MMS22L: variants seen among roughly 807,000 people sequenced by gnomAD.
MMS22L encodes the protein protein MMS22-like.
In MMS22L, 74 loss-of-function variants were observed where a neutral mutation model predicts 159.1. The ratio of observed to expected loss-of-function variants is 0.47; its 90% confidence interval spans 0.39 to 0.56. The LOEUF is 0.56. MMS22L is among the 20% of genes least tolerant of loss of function. The pLI is 0.00. For synonymous variants in MMS22L, 517 were observed against 506.9 expected, an observed-to-expected ratio of 1.02 and a Z score of -0.27; for missense variants, 1,351 against 1,422.1, an observed-to-expected ratio of 0.95 and a Z score of 0.80.
At chr6:97,201,654 G>A (rs1165832162) in intron 14 of MMS22L, among the ~76,000 whole-genome samples, 2 of 152,182 alleles carry the variant, frequency 1.3e-5, no homozygotes, top group Non-Finnish European at 2.9e-5. Context: ...GGTGACCCGC[G>A]TGTGTGGGAA....
At chr6:97,169,063 A>T (rs1457413605) in intron 19 of MMS22L, among the ~76,000 whole-genome samples, 1 of 152,116 alleles carries the variant, frequency 6.6e-6, no homozygotes, top group Non-Finnish European at 1.5e-5. Context: ...AGGATTAGCT[A>T]TAAGCTAATC....
chr6:97,172,337 C>T (rs1433883862), intron 19 of MMS22L, among the ~76,000 whole-genome samples: 1 of 151,876 alleles, frequency 6.6e-6, no homozygotes, highest in Non-Finnish European at 1.5e-5. Context: ...CCGAATCAGG[C>T]TTACTCATAC....
intron 11 of MMS22L, among the ~76,000 whole-genome samples, chr6:97,237,140 A>G (rs1191519070): frequency 6.6e-6 from 1 of 152,142 alleles, no homozygotes; most frequent in Non-Finnish European, 1.5e-5. Flanking sequence ...TGAAAAGTGA[A>G]AAGCTGTAGA....
chr6:97,280,141 C>T (rs978372006), intron 3 of MMS22L, among the ~76,000 whole-genome samples: 4 of 152,140 alleles, frequency 2.6e-5, no homozygotes, highest in African/African-American at 7.2e-5. Flanking sequence ...TAAGTCTCTT[C>T]AAAAGGTTTC....
At chr6:97,172,503 G>GA (rs1306294643) in intron 19 of MMS22L, among the ~76,000 whole-genome samples, 1 of 151,948 alleles carries the variant, frequency 6.6e-6, no homozygotes, top group Non-Finnish European at 1.5e-5. Context: ...TGGTTTTCGT[G>GA]AAAAAAAGAT....
intron 14 of MMS22L, among the ~76,000 whole-genome samples, chr6:97,196,174 T>A (rs764645326): frequency 1.6e-4 from 24 of 152,208 alleles, no homozygotes; most frequent in Admixed American, 3.9e-4. Context: ...TACTAGATGT[T>A]ATCAAATATA....
intron 11 of MMS22L, among the ~76,000 whole-genome samples, chr6:97,242,074 G>A (rs796914298): frequency 3.9e-5 from 6 of 152,290 alleles, no homozygotes; most frequent in African/African-American, 1.4e-4. Context: ...TGTATATTCT[G>A]CAGTTTGAGT....
At chr6:97,243,892 T>C (rs1198961239) in intron 11 of MMS22L, among the ~76,000 whole-genome samples, 1 of 152,036 alleles carries the variant, frequency 6.6e-6, no homozygotes, top group Non-Finnish European at 1.5e-5. Context: ...GTGGGGGGTG[T>C]CTGCAAAGAG....
At position 97,143,311 on chromosome 6, in the gene MMS22L, G is replaced by A. The variant is rs1800725708; in HGVS notation, c.*3495C>T. 2 of 152,170 alleles carry A rather than the reference G, an allele frequency of 1.3e-5. No individual in the cohort carries two copies. The allele number at this position is 152,170 out of a possible 1,614,324, so 9.4% of individuals were successfully genotyped here. On this transcript the variant is annotated 3_prime_UTR_variant, in exon 25 of 25. Transcript: ENST00000683635. The stretch of plus-strand genomic sequence containing the variant: ...TGCTGTAAACTGAATGAGGCTGAGT[G>A]TAGGATGAACATGGCAATCAGAGAA...
chr6:97,257,032 C>T (rs1309834460), intron 9 of MMS22L, among the ~76,000 whole-genome samples: 3 of 152,094 alleles, frequency 2.0e-5, no homozygotes, highest in African/African-American at 7.2e-5. Context: ...TCTGTGATTC[C>T]ACTGTGATGT....
chr6:97,182,743 C>T (rs717020), intron 15 of MMS22L, among the ~76,000 whole-genome samples: 82,684 of 151,632 alleles, frequency 0.55, 23,396 homozygotes, highest in African/African-American at 0.7. Context: ...GATCTACCAA[C>T]AGGGTGAGAT....
Position 97,159,278 on chromosome 6 carries a change from C to T in MMS22L, c.3385+2724G>A, listed in dbSNP as rs112074874. Among the ~76,000 whole-genome samples, 1,067 of 151,798 alleles carry T rather than the reference C, an allele frequency of 7.0e-3. 16 individuals are homozygous for T. The highest frequency in any genetic ancestry group is 0.024 in the African/African-American group (993 of 41,428). On this transcript the variant is annotated intron_variant, in intron 22 of 24. Transcript: ENST00000683635. The stretch of plus-strand genomic sequence containing the variant: ...AATTTGCCAGCCTGTGTCTTTTAAT[C>T]GGGGCATTTAGCCCATTTAATTATT...
intron 17 of MMS22L, 30 bp downstream of exon 17, chr6:97,179,378 A>G: frequency 6.3e-7 from 1 of 1,597,938 alleles, no homozygotes; most frequent in South Asian, 1.1e-5. Flanking sequence ...AGATACCCCC[A>G]TCCTCCCCAA....
intron 14 of MMS22L, among the ~76,000 whole-genome samples, chr6:97,212,174 C>T (rs186525080): frequency 6.6e-6 from 1 of 152,152 alleles, no homozygotes; most frequent in African/African-American, 2.4e-5. Flanking sequence ...TGATTTTATG[C>T]ATCTCTACTT....
intron 14 of MMS22L, among the ~76,000 whole-genome samples, chr6:97,200,341 G>A (rs889257715): frequency 1.3e-5 from 2 of 152,040 alleles, no homozygotes; most frequent in African/African-American, 4.8e-5. Flanking sequence ...TTAAAAGGGA[G>A]GAAAAGATAG....
intron 16 of MMS22L, among the ~76,000 whole-genome samples, chr6:97,180,320 C>T (rs546599855): frequency 6.6e-6 from 1 of 152,262 alleles, no homozygotes; most frequent in South Asian, 2.1e-4. Flanking sequence ...CCAGGATGGT[C>T]TCGATCTCCT....
chr6:97,174,266 A>AT (rs1411020895), intron 18 of MMS22L, among the ~76,000 whole-genome samples: 12 of 151,000 alleles, frequency 7.9e-5, no homozygotes, highest in African/African-American at 2.7e-4. Flanking sequence ...AAAATAAAAA[A>AT]AAAAAAAAAA....
chr6:97,166,590 A>G (rs1582429067), intron 20 of MMS22L, among the ~76,000 whole-genome samples: 1 of 151,102 alleles, frequency 6.6e-6, no homozygotes, highest in African/African-American at 2.5e-5. Context: ...TTAAATCAGA[A>G]GAAGATGAAG....
chr6:97,158,710 T>C (rs997310781), intron 22 of MMS22L, among the ~76,000 whole-genome samples: 2 of 152,310 alleles, frequency 1.3e-5, no homozygotes, highest in Middle Eastern at 3.4e-3. Flanking sequence ...TTACATTTGC[T>C]GAGGAGTGTT....
Sources: gnomAD v4.1 joint callset for allele counts (sites outside exome capture counted in the v4.1 genomes callset) on GRCh38, gnomAD v4.1.1 for gene constraint, MANE v1.5 for transcripts, NCBI Gene and HGNC (gene_info 2026-07-23, HGNC 2026-07-21) for gene names.